The following ATP6V0A2 variants were observed in gnomAD, a reference collection of about 807,000 sequenced individuals.
The protein encoded by ATP6V0A2 is ATPase H+ transporting V0 subunit a2.
A neutral mutation model predicts 104.4 loss-of-function variants in ATP6V0A2; 58 were observed. The observed-to-expected ratio is 0.56, with a 90% CI of 0.45 to 0.69. The LOEUF (loss-of-function observed/expected upper bound fraction) is 0.69, where lower values mean the gene tolerates loss of function less well. Ranked by LOEUF, ATP6V0A2 falls within the 30% of genes least tolerant of loss-of-function variation. ATP6V0A2 has a pLI of 0.00. For missense variants in ATP6V0A2, 938 were observed against 1,062.9 expected (o/e 0.88, Z 1.63); for synonymous variants, 376 against 397.9 (o/e 0.95, Z 0.65).
intron 15 of ATP6V0A2, 72 bp downstream of exon 15, chr12:123,748,857 G>A: frequency 7.0e-7 from 1 of 1,426,180 alleles, no homozygotes; most frequent in Non-Finnish European, 9.9e-7. Context: ...AGCAGTAGAA[G>A]TGTTGGGGTG....
chr12:123,724,903 C>A, intron 4 of ATP6V0A2, 112 bp downstream of exon 4: 1 of 725,104 alleles, frequency 1.4e-6, no homozygotes, highest in Non-Finnish European at 2.2e-6. Context: ...TATGTTGCTT[C>A]TTTTAAGAGA....
At chr12:123,741,845 G>T (rs1956612476) in intron 9 of ATP6V0A2, among the ~76,000 whole-genome samples, 1 of 152,132 alleles carries the variant, frequency 6.6e-6, no homozygotes. Flanking sequence ...GATGTTTATG[G>T]TACTCAAGGA....
chr12:123,714,669 T>C (rs1318632826), intron 1 of ATP6V0A2, among the ~76,000 whole-genome samples: 1 of 152,172 alleles, frequency 6.6e-6, no homozygotes, highest in Non-Finnish European at 1.5e-5. Flanking sequence ...CTAGGTTAAA[T>C]GTGCCTTGAA....
chr12:123,754,043 G>T (rs769512200), intron 17 of ATP6V0A2: 6 of 323,810 alleles, frequency 1.9e-5, no homozygotes, highest in Non-Finnish European at 3.4e-5. Flanking sequence ...CTTAGGGTTG[G>T]TGAATACCTA....
rs577975052 is a variant in ATP6V0A2, at chr12:123,744,791, G to A, written c.1514+7G>A. 6.2e-7 allele frequency: 1 copy of A among 1,614,166 alleles called. No individual in the cohort carries two copies. The highest frequency in any genetic ancestry group is 2.2e-5 in the East Asian group (1 of 44,886). ...AGAAGATGGTGCTTTGGAAGTAAGT[G>A]TCCCATAGCTGGTGATGCTCTGGGT... On this transcript the variant is annotated splice_region_variant and intron_variant, in intron 12 of 19. Coordinates refer to ENST00000330342, the MANE Select transcript of ATP6V0A2 (RefSeq NM_012463.4). This position sits in a 1 kb window ranked among gnomAD's most constrained non-coding sequence, Gnocchi z 5.4.
intron 2 of ATP6V0A2, among the ~76,000 whole-genome samples, chr12:123,719,773 C>T (rs1309260795): frequency 6.6e-6 from 1 of 152,080 alleles, no homozygotes; most frequent in Non-Finnish European, 1.5e-5. Context: ...ATCAGGCCTT[C>T]CTGCGATAAG....
chr12:123,713,407 ATTTG>A (rs1351270453), intron 1 of ATP6V0A2, among the ~76,000 whole-genome samples: 1 of 152,080 alleles, frequency 6.6e-6, no homozygotes, highest in African/African-American at 2.4e-5. Context: ...AATAATAAAC[ATTTG>A]TTTGTCCATT....
chr12:123,752,468 G>A, intron 17 of ATP6V0A2, 66 bp downstream of exon 17: 1 of 1,580,234 alleles, frequency 6.3e-7, no homozygotes, highest in Non-Finnish European at 8.7e-7. Flanking sequence ...AGATAATCAT[G>A]TTAAGATAAT....
intron 8 of ATP6V0A2, among the ~76,000 whole-genome samples, chr12:123,736,564 G>A (rs78472946): frequency 0.013 from 2,045 of 152,236 alleles, 34 homozygotes; most frequent in African/African-American, 0.046. Context: ...TTTACCAGTA[G>A]GATTTAAATT....
chr12:123,718,375 C>A (rs895666250), intron 1 of ATP6V0A2, among the ~76,000 whole-genome samples: 1 of 152,102 alleles, frequency 6.6e-6, no homozygotes, highest in Admixed American at 6.6e-5. Flanking sequence ...CAGGCGTGAG[C>A]TACCGCCCCG....
At chr12:123,755,164 C>G (rs912356860) in intron 18 of ATP6V0A2, among the ~76,000 whole-genome samples, 3 of 152,136 alleles carry the variant, frequency 2.0e-5, no homozygotes, top group African/African-American at 7.2e-5. Flanking sequence ...GATAACCCAC[C>G]AGTGGTGCTC....
chr12:123,730,093 C>T (rs1265229609), intron 6 of ATP6V0A2, among the ~76,000 whole-genome samples: 8 of 123,504 alleles, frequency 6.5e-5, no homozygotes, highest in Admixed American at 4.2e-4. Context: ...CTGGCTCTGT[C>T]GCCCAGGCTG....
chr12:123,725,743 GCCACTGCACT>G (rs1956442838), intron 4 of ATP6V0A2, among the ~76,000 whole-genome samples: 1 of 150,756 alleles, frequency 6.6e-6, no homozygotes, highest in African/African-American at 2.4e-5. Context: ...CTATGATTGC[GCCACTGCACT>G]CCAGCCTGGG....
rs574309396 is a variant in ATP6V0A2 at position 123,738,380 on chromosome 12, G to A, written c.1038+1109G>A. On this transcript the variant is annotated intron_variant, in intron 9 of 19. Coordinates refer to ENST00000330342, the MANE Select transcript of ATP6V0A2 (RefSeq NM_012463.4). ...TTGCACTGCAGCCTGGGCAACAAGA[G>A]CAAAACTTTGTCTCAAAAAAAAAAA... Among the ~76,000 whole-genome samples, 1,090 of 149,900 alleles carry A rather than the reference G, an allele frequency of 7.3e-3. 14 individuals carry two copies. The highest frequency in any genetic ancestry group is 0.014 in the Admixed American group (209 of 15,096).
At chr12:123,743,454 G>A (rs1956628244) in intron 9 of ATP6V0A2, among the ~76,000 whole-genome samples, 1 of 152,132 alleles carries the variant, frequency 6.6e-6, no homozygotes, top group Non-Finnish European at 1.5e-5. Context: ...GGGAGTTCGA[G>A]ACCAGCCTGA....
intron 4 of ATP6V0A2, among the ~76,000 whole-genome samples, chr12:123,725,860 G>A (rs575353886): frequency 1.3e-5 from 2 of 152,024 alleles, no homozygotes; most frequent in Admixed American, 1.3e-4. Flanking sequence ...ACCTTATGGA[G>A]CTAAGTATAG....
intron 4 of ATP6V0A2, among the ~76,000 whole-genome samples, chr12:123,725,308 A>G (rs1025446532): frequency 1.3e-5 from 2 of 152,190 alleles, no homozygotes; most frequent in Non-Finnish European, 2.9e-5. Flanking sequence ...TTTAAGAGCC[A>G]TTTCCTGTGT....
intron 13 of ATP6V0A2, among the ~76,000 whole-genome samples, chr12:123,746,511 G>A (rs920985663): frequency 1.7e-4 from 26 of 151,688 alleles, no homozygotes; most frequent in African/African-American, 5.8e-4. Context: ...GAGTGGTGGT[G>A]CGTGCCTGTG....
intron 2 of ATP6V0A2, 27 bp downstream of exon 2, chr12:123,718,728 TTAAA>T (rs1184846089): frequency 1.3e-6 from 2 of 1,512,686 alleles, no homozygotes; most frequent in Non-Finnish European, 9.2e-7. Context: ...ATTTAACAAC[TTAAA>T]TAATTACCTT....
Sources: allele counts gnomAD v4.1 joint callset (sites outside exome capture counted in the v4.1 genomes callset), GRCh38; gene constraint gnomAD v4.1.1; non-coding constraint Gnocchi (gnomAD v3.1); transcripts MANE v1.5; gene names NCBI Gene and HGNC (gene_info 2026-07-23, HGNC 2026-07-21).